Variants in ALDH1L1 observed in about 807,000 individuals in gnomAD.
ALDH1L1 encodes the protein aldehyde dehydrogenase 1 family member L1.
Under a neutral mutation model 101.1 loss-of-function variants are expected in ALDH1L1, and 68 were observed. The observed-to-expected ratio is 0.67, with a 90% CI of 0.55 to 0.82. The LOEUF (loss-of-function observed/expected upper bound fraction) is 0.82. ALDH1L1 is among the 40% of genes least tolerant of loss of function. The pLI, the probability that ALDH1L1 is intolerant of heterozygous loss-of-function variation, is 0.00. For missense variants in ALDH1L1, 1,087 were observed against 1,172.7 expected, an observed-to-expected ratio of 0.93 and a Z score of 1.07; for synonymous variants, 486 against 470.8, an observed-to-expected ratio of 1.03 and a Z score of -0.42.
At chr3:126,136,948 C>T in intron 10 of ALDH1L1, 65 bp from the exon 11 acceptor site, 1 of 1,597,730 alleles carries the variant, frequency 6.3e-7, no homozygotes, top group South Asian at 1.1e-5. Context: ...ACACAGATGG[C>T]CACACAGTCA....
intron 14 of ALDH1L1, chr3:126,129,583 A>G (rs1053947542): frequency 2.0e-5 from 3 of 152,426 alleles, no homozygotes; most frequent in Non-Finnish European, 4.4e-5. Flanking sequence ...GTTTGCTGTC[A>G]CCGGCCTAGC....
intron 9 of ALDH1L1, among the ~76,000 whole-genome samples, chr3:126,140,265 G>A (rs2080542289): frequency 1.3e-5 from 2 of 152,154 alleles, no homozygotes; most frequent in Non-Finnish European, 1.5e-5. Context: ...CATATTAAAA[G>A]TTTTGGGGAA....
chr3:126,147,183 A>G (rs1965848), intron 8 of ALDH1L1, among the ~76,000 whole-genome samples: 102,046 of 152,008 alleles, frequency 0.67, 35,873 homozygotes, highest in African/African-American at 0.9. Context: ...CTCAACCCCC[A>G]GCTTCTCTGG....
intron 1 of ALDH1L1, among the ~76,000 whole-genome samples, chr3:126,175,795 T>A (rs1380828573): frequency 6.6e-6 from 1 of 152,116 alleles, no homozygotes; most frequent in Non-Finnish European, 1.5e-5. Flanking sequence ...GGCAAGGATG[T>A]TCCCTTTCAC....
At chr3:126,113,689 G>A (rs1437088976) in intron 18 of ALDH1L1, among the ~76,000 whole-genome samples, 2 of 152,224 alleles carry the variant, frequency 1.3e-5, no homozygotes, top group Non-Finnish European at 2.9e-5. Flanking sequence ...ACCCAAGCTA[G>A]GGTGTTAGGC....
At chr3:126,194,001 A>G (rs926006451) in intron 1 of ALDH1L1, among the ~76,000 whole-genome samples, 10 of 152,184 alleles carry the variant, frequency 6.6e-5, no homozygotes, top group African/African-American at 1.9e-4. Context: ...TCCTTTCATG[A>G]GTCTCCTAAA....
intron 8 of ALDH1L1, among the ~76,000 whole-genome samples, chr3:126,148,121 C>T (rs1031561580): frequency 3.9e-5 from 6 of 152,162 alleles, no homozygotes; most frequent in African/African-American, 9.7e-5. Flanking sequence ...GTCCAGGGCC[C>T]TTATCAGATG....
intron 22 of ALDH1L1, 69 bp from the exon 23 acceptor site, chr3:126,103,915 C>G: frequency 6.4e-7 from 1 of 1,561,822 alleles, no homozygotes; most frequent in Non-Finnish European, 8.7e-7. Context: ...CTGCAAGTGT[C>G]TTATTCCTCA....
At chr3:126,130,131 G>A in intron 14 of ALDH1L1, 92 bp downstream of exon 14, 3 of 1,215,162 alleles carry the variant, frequency 2.5e-6, no homozygotes, top group Non-Finnish European at 2.2e-6. Flanking sequence ...TGCACGCACA[G>A]GGTGCTGTGA....
chr3:126,162,679 A>G (rs1369891620), intron 1 of ALDH1L1, among the ~76,000 whole-genome samples: 1 of 152,124 alleles, frequency 6.6e-6, no homozygotes, highest in Non-Finnish European at 1.5e-5. Flanking sequence ...TGATGAACAG[A>G]TGTTCTTAAA....
At chr3:126,180,893 A>G (rs956028762), upstream of ALDH1L1, 3 of 1,592,710 alleles carry the variant, frequency 1.9e-6, no homozygotes, top group African/African-American at 1.3e-5. Context: ...AGTGGGTCAG[A>G]GGAGACCCTC....
rs752886087 is a variant in ALDH1L1, at chr3:126,157,463, C to T, written c.408G>A (p.Trp136Ter). Residue 136 changes from tryptophan to a stop codon, truncating the protein, a stop_gained, in exon 4 of 23, where the codon TGG becomes TGA. Transcript: ENST00000393434. LOFTEE classifies it high-confidence loss of function. ...GDKKGGFSIF[W>*]ADDGLDTGDL... is the part of the protein sequence containing the mutation. ...CTCCGGTGTCCAGACCATCATCCGCCCAGAAGATGGAAAACCCCCCTTTCT... is the reference window on the plus strand; with the variant it reads ...CTCCGGTGTCCAGACCATCATCCGCTCAGAAGATGGAAAACCCCCCTTTCT... 2.1e-5 allele frequency: 34 copies of T among 1,613,962 alleles called. 1 individual carries two copies. In the East Asian group the frequency reaches 6.9e-4, roughly 33 times the overall value.
intron 1 of ALDH1L1, among the ~76,000 whole-genome samples, chr3:126,176,043 A>G (rs1229769365): frequency 6.6e-6 from 1 of 152,240 alleles, no homozygotes; most frequent in Non-Finnish European, 1.5e-5. Flanking sequence ...TTTCTTATAT[A>G]CTAGCAATAA....
chr3:126,163,874 C>T (rs1038961406), intron 1 of ALDH1L1, among the ~76,000 whole-genome samples: 2 of 152,194 alleles, frequency 1.3e-5, no homozygotes, highest in African/African-American at 4.8e-5. Context: ...TCGCTCATGA[C>T]TGCAACCCCA....
chr3:126,149,349 G>A (rs2080762008), intron 8 of ALDH1L1, among the ~76,000 whole-genome samples: 1 of 152,104 alleles, frequency 6.6e-6, no homozygotes, highest in African/African-American at 2.4e-5. Context: ...TACAGATGCA[G>A]GACTTGGCTG....
intron 7 of ALDH1L1, chr3:126,152,716 G>C (rs370264780): frequency 1.3e-4 from 20 of 159,726 alleles, no homozygotes; most frequent in African/African-American, 4.1e-4. Context: ...ATATGAACAG[G>C]AAGCTACCAT....
At chr3:126,109,460 G>T (rs62263529) in intron 20 of ALDH1L1, among the ~76,000 whole-genome samples, 1 of 151,872 alleles carries the variant, frequency 6.6e-6, no homozygotes, top group African/African-American at 2.4e-5. Context: ...TCTGGGTGGG[G>T]TGGAGCCTGG....
intron 1 of ALDH1L1, among the ~76,000 whole-genome samples, chr3:126,189,028 C>T (rs548585663): frequency 6.6e-6 from 1 of 152,298 alleles, no homozygotes; most frequent in South Asian, 2.1e-4. Context: ...CCTCCTTGCT[C>T]AGCTGATAAG....
Position 126,161,017 on chromosome 3 carries a change from A to T in ALDH1L1, c.-23-15T>A. 1 of 1,613,560 alleles carries T rather than the reference A, an allele frequency of 6.2e-7. No individual in the cohort carries two copies. Among genetic ancestry groups the T allele is most frequent in the Non-Finnish European group, 8.5e-7 (1 of 1,179,756 alleles). On this transcript the variant is annotated splice_polypyrimidine_tract_variant and intron_variant, in intron 1 of 22. Coordinates refer to ENST00000393434, the MANE Select transcript of ALDH1L1 (RefSeq NM_012190.4). ...GTTGGAAGGACCTGGAGAAGGAATAAGGCAGCAATTAGACAGAGATCGCTG... is the reference window on the plus strand; with the variant it reads ...GTTGGAAGGACCTGGAGAAGGAATATGGCAGCAATTAGACAGAGATCGCTG...
Sources: allele counts gnomAD v4.1 joint callset (sites outside exome capture counted in the v4.1 genomes callset), GRCh38; gene constraint gnomAD v4.1.1; transcripts MANE v1.5; gene names NCBI Gene and HGNC (gene_info 2026-07-23, HGNC 2026-07-21).